Variants in TBC1D8B observed in about 807,000 individuals in gnomAD.
TBC1D8B encodes TBC1 domain family member 8B.
In TBC1D8B, 75 loss-of-function variants were observed where a neutral mutation model predicts 82.9. The observed-to-expected ratio is 0.90, with a 90% CI of 0.75 to 1.10. The LOEUF (loss-of-function observed/expected upper bound fraction) is 1.10. Ranked by LOEUF, TBC1D8B falls within the 50% of genes least tolerant of loss-of-function variation. The pLI is 0.00. For synonymous variants in TBC1D8B, 276 were observed against 276.8 expected, an observed-to-expected ratio of 1.00 and a Z score of 0.03; for missense variants, 794 against 796.9, an observed-to-expected ratio of 1.00 and a Z score of 0.04.
chrX:106,818,530 A>G (rs1360459236), intron 1 of TBC1D8B, 133 bp from the exon 2 acceptor site: 11 of 374,586 alleles, frequency 2.9e-5, no homozygotes, highest in Non-Finnish European at 4.8e-5. Context: ...TTTTTCTTTA[A>G]GAAAAATCTC....
intron 6 of TBC1D8B, among the ~76,000 whole-genome samples, 184 bp from the exon 7 acceptor site, chrX:106,826,986 G>A (rs988469410): frequency 3.6e-5 from 4 of 111,469 alleles, no homozygotes; most frequent in African/African-American, 1.3e-4. Context: ...TTCTTGAGAA[G>A]TGAAATAACT....
At chrX:106,831,231 A>T (rs1602417970) in intron 7 of TBC1D8B, among the ~76,000 whole-genome samples, 1 of 111,784 alleles carries the variant, frequency 8.9e-6, no homozygotes, top group Admixed American at 9.5e-5. Flanking sequence ...TCTCCAGAGT[A>T]GAGATTGAAA....
At chrX:106,811,315 G>A (rs771730681) in intron 1 of TBC1D8B, among the ~76,000 whole-genome samples, 3 of 111,537 alleles carry the variant, frequency 2.7e-5, no homozygotes, top group African/African-American at 9.8e-5. Context: ...GCTTGAGCCC[G>A]GGAGTTGGAG....
intron 7 of TBC1D8B, 104 bp downstream of exon 7, chrX:106,827,441 G>C (rs766657999): frequency 1.1e-6 from 1 of 914,056 alleles, no homozygotes; most frequent in Admixed American, 3.1e-5. Context: ...TTTATGCCCA[G>C]GGGTTTTTTT....
intron 1 of TBC1D8B, among the ~76,000 whole-genome samples, chrX:106,817,012 G>A (rs749537532): frequency 1.8e-5 from 2 of 111,289 alleles, no homozygotes; most frequent in Non-Finnish European, 3.8e-5. Flanking sequence ...AAAATAGGAA[G>A]AGAGCCAAAA....
chrX:106,875,478 A>C lies in TBC1D8B; in HGVS notation c.*1513A>C, dbSNP rs1474041391. Reference sequence around the variant, plus strand: ...AAAATCCCATAAATTGGTTTTAGCTAAACACTTACTAGTAGTGTCTTTAAA... The same window carrying C: ...AAAATCCCATAAATTGGTTTTAGCTCAACACTTACTAGTAGTGTCTTTAAA... On this transcript the variant is annotated 3_prime_UTR_variant, in exon 21 of 21. Coordinates refer to ENST00000357242, the MANE Select transcript of TBC1D8B (RefSeq NM_017752.3). 3 of 112,461 alleles carry C rather than the reference A, an allele frequency of 2.7e-5. No homozygotes were observed. Among genetic ancestry groups the C allele is most frequent in the South Asian group, 7.4e-4 (2 of 2,705 alleles). The allele number at this position is 112,461 out of a possible 1,213,427, so 9.3% of individuals were successfully genotyped here.
chrX:106,859,364 T>A (rs1160224869), intron 14 of TBC1D8B, among the ~76,000 whole-genome samples: 2 of 111,970 alleles, frequency 1.8e-5, no homozygotes, highest in East Asian at 5.6e-4. Flanking sequence ...TTCATTTGCT[T>A]GTGTCACCTC....
chrX:106,838,093 C>T (rs1932218560), intron 7 of TBC1D8B, among the ~76,000 whole-genome samples: 1 of 111,542 alleles, frequency 9.0e-6, no homozygotes, highest in Admixed American at 9.6e-5. Context: ...TGATTATTTG[C>T]CATTTATATC....
At chrX:106,858,463 G>A (rs1489017666) in intron 14 of TBC1D8B, among the ~76,000 whole-genome samples, 3 of 111,554 alleles carry the variant, frequency 2.7e-5, no homozygotes, top group African/African-American at 6.5e-5. Flanking sequence ...TAGTAGAGAC[G>A]GGGTTTCACC....
intron 1 of TBC1D8B, among the ~76,000 whole-genome samples, chrX:106,805,545 T>A (rs1192261274): frequency 8.9e-6 from 1 of 112,270 alleles, no homozygotes; most frequent in Non-Finnish European, 1.9e-5. Flanking sequence ...ACTAGTGATA[T>A]CCACACTTAT....
At chrX:106,806,281 T>C (rs1223248495) in intron 1 of TBC1D8B, among the ~76,000 whole-genome samples, 1 of 112,148 alleles carries the variant, frequency 8.9e-6, no homozygotes, top group Non-Finnish European at 1.9e-5. Context: ...GAATATCTTG[T>C]GGAAATTTTT....
intron 7 of TBC1D8B, among the ~76,000 whole-genome samples, chrX:106,830,747 A>G (rs1356921271): frequency 3.2e-5 from 3 of 93,702 alleles, no homozygotes; most frequent in East Asian, 7.1e-4. Context: ...TTGAACTATG[A>G]GAACACATGG....
chrX:106,844,958 G>GT (rs973573701), intron 10 of TBC1D8B, among the ~76,000 whole-genome samples: 7 of 109,909 alleles, frequency 6.4e-5, no homozygotes, highest in Middle Eastern at 4.2e-3. Flanking sequence ...GTAGTTTGTG[G>GT]TTTTTTTTAG....
At chrX:106,831,739 G>A (rs1279708056) in intron 7 of TBC1D8B, among the ~76,000 whole-genome samples, 1 of 111,530 alleles carries the variant, frequency 9.0e-6, no homozygotes, top group Non-Finnish European at 1.9e-5. Context: ...TTCCAAATAT[G>A]CATCAGAATT....
intron 1 of TBC1D8B, among the ~76,000 whole-genome samples, chrX:106,809,095 C>A (rs950240453): frequency 1.2e-4 from 13 of 112,339 alleles, no homozygotes; most frequent in African/African-American, 3.9e-4. Flanking sequence ...CAGTTTTCCA[C>A]CTTTTGCTAC....
chrX:106,841,266 T>C (rs1326771986), intron 10 of TBC1D8B, among the ~76,000 whole-genome samples: 3 of 111,653 alleles, frequency 2.7e-5, no homozygotes, highest in Non-Finnish European at 3.8e-5. Flanking sequence ...CCTGTCATGA[T>C]TTATAACAAG....
At chrX:106,853,479 G>T (rs745533166) in intron 12 of TBC1D8B, 42 bp from the exon 13 acceptor site, 11 of 1,164,651 alleles carry the variant, frequency 9.4e-6, no homozygotes, top group Non-Finnish European at 1.2e-5. Context: ...CTTTAATAAT[G>T]GTAGTTCCAC....
rs1183009900 is a variant in TBC1D8B, at chrX:106,823,461, C to G, written c.822C>G (p.Thr274=). Residue 274 remains threonine (T), a synonymous_variant, in exon 5 of 21, where the codon ACC becomes ACG. Transcript: ENST00000357242. ...TCCTTTATAATCCTCTACAGATCACCAAAAGGTATTCAAAGCTTAATTTTT... is the reference window on the plus strand; with the variant it reads ...TCCTTTATAATCCTCTACAGATCACGAAAAGGTATTCAAAGCTTAATTTTT... ...DPVLYNPLQI[T]KRGLENRAHS... The G allele has an allele frequency of 4.2e-6, 5 of 1,202,520 alleles. No individual in the cohort carries two copies. In the Admixed American group the frequency reaches 1.1e-4, roughly 27 times the overall value.
intron 18 of TBC1D8B, 78 bp downstream of exon 18, chrX:106,868,554 C>T (rs1932828347): frequency 1.5e-6 from 1 of 661,218 alleles, no homozygotes; most frequent in Non-Finnish European, 2.1e-6. Context: ...ATATACTTTA[C>T]CCAACTAAAA....
Sources: gnomAD v4.1 joint callset for allele counts (sites outside exome capture counted in the v4.1 genomes callset) on GRCh38, gnomAD v4.1.1 for gene constraint, MANE v1.5 for transcripts, NCBI Gene and HGNC (gene_info 2026-07-23, HGNC 2026-07-21) for gene names.